YEATS2: variants seen among roughly 807,000 people sequenced by gnomAD.
YEATS2 encodes the protein YEATS domain containing 2.
Under a neutral mutation model 163.2 loss-of-function variants are expected in YEATS2, and 77 were observed. The observed-to-expected ratio is 0.47, with a 90% CI of 0.39 to 0.57. The LOEUF (loss-of-function observed/expected upper bound fraction) is 0.57, where lower values mean the gene tolerates loss of function less well. Among genes scored for constraint, YEATS2 ranks in the 20% least tolerant of loss-of-function variants. The pLI is 0.00. For synonymous variants in YEATS2, 631 were observed against 645.1 expected (o/e 0.98, Z 0.33); for missense variants, 1,549 against 1,729.8 (o/e 0.90, Z 1.85).
chr3:183,735,836 C>T (rs778343995), intron 7 of YEATS2, among the ~76,000 whole-genome samples: 2 of 152,068 alleles, frequency 1.3e-5, no homozygotes, highest in African/African-American at 2.4e-5. Flanking sequence ...CATGAGCCAC[C>T]GCACCCAGCC....
At chr3:183,722,364 C>G (rs1035415517) in intron 5 of YEATS2, among the ~76,000 whole-genome samples, 11 of 142,776 alleles carry the variant, frequency 7.7e-5, no homozygotes, top group African/African-American at 3.0e-4. Flanking sequence ...TCATGGCTCA[C>G]TGCAACCTCC....
intron 1 of YEATS2, among the ~76,000 whole-genome samples, chr3:183,707,875 C>T (rs750173766): frequency 1.3e-4 from 20 of 151,756 alleles, no homozygotes; most frequent in Non-Finnish European, 2.2e-4. Context: ...GGGGTTTCAC[C>T]GTGTTGATGA....
At chr3:183,767,202 T>C (rs1403384387) in intron 15 of YEATS2, among the ~76,000 whole-genome samples, 1 of 152,008 alleles carries the variant, frequency 6.6e-6, no homozygotes, top group Non-Finnish European at 1.5e-5. Flanking sequence ...AAGACTGCCC[T>C]CCAGTGGCTG....
chr3:183,708,406 G>A (rs1169415597), intron 1 of YEATS2, among the ~76,000 whole-genome samples: 1 of 152,076 alleles, frequency 6.6e-6, no homozygotes, highest in African/African-American at 2.4e-5. Context: ...AAAACACAAT[G>A]GTAGAGTTCT....
intron 2 of YEATS2, among the ~76,000 whole-genome samples, chr3:183,716,794 T>C (rs1715925412): frequency 6.6e-6 from 1 of 152,156 alleles, no homozygotes; most frequent in Non-Finnish European, 1.5e-5. Context: ...TGCTATTCTT[T>C]TTCTTGGTGT....
At chr3:183,712,608 A>G (rs184693850) in intron 1 of YEATS2, among the ~76,000 whole-genome samples, 2 of 152,246 alleles carry the variant, frequency 1.3e-5, no homozygotes, top group African/African-American at 4.8e-5. Context: ...TCAGAGAGCT[A>G]TTCTGGTCTC....
chr3:183,796,483 A>G (rs1725168153), intron 21 of YEATS2, among the ~76,000 whole-genome samples: 2 of 151,352 alleles, frequency 1.3e-5, no homozygotes, highest in African/African-American at 2.4e-5. Flanking sequence ...CTAAAACGAT[A>G]GAGAACATCT....
At chr3:183,774,425 C>A (rs1215582094) in intron 17 of YEATS2, among the ~76,000 whole-genome samples, 1 of 152,144 alleles carries the variant, frequency 6.6e-6, no homozygotes, top group Non-Finnish European at 1.5e-5. Context: ...AAACCACCCC[C>A]CGCCTCCTGT....
intron 7 of YEATS2, 105 bp downstream of exon 7, chr3:183,728,956 A>G: frequency 8.0e-7 from 1 of 1,250,088 alleles, no homozygotes; most frequent in Non-Finnish European, 1.1e-6. Context: ...TGCAGTAGTA[A>G]TTGAGAATTG....
intron 9 of YEATS2, among the ~76,000 whole-genome samples, chr3:183,748,573 C>T (rs1577105466): frequency 6.6e-6 from 1 of 151,620 alleles, no homozygotes; most frequent in Non-Finnish European, 1.5e-5. Context: ...ACCAGGCTTT[C>T]TCCTTTTCTC....
chr3:183,701,025 C>G (rs1031098170), intron 1 of YEATS2, among the ~76,000 whole-genome samples: 7 of 150,154 alleles, frequency 4.7e-5, no homozygotes, highest in Non-Finnish European at 1.0e-4. Context: ...GAATTGCACT[C>G]TTTTAACTGG....
chr3:183,702,153 A>G (rs1439882902), intron 1 of YEATS2, among the ~76,000 whole-genome samples: 7 of 152,274 alleles, frequency 4.6e-5, no homozygotes, highest in African/African-American at 7.2e-5. Flanking sequence ...TATGGAAACA[A>G]TCTGCATCAG....
chr3:183,728,835 G>A lies in YEATS2; in HGVS notation c.796G>A (p.Asp266Asn). ...CCTTCATCCTAGCTATAAACCAAAT[G>A]ACCTTGTGGAAGTTAGGTAAGCACG... ...FFLHPSYKPN[D>N]LVEVREPPFH... The change falls in exon 7 of 31, where the codon GAC (aspartate) becomes AAC (asparagine). Residue 266 changes from aspartate to asparagine, a missense_variant. Transcript: ENST00000305135. 6.2e-7 allele frequency: 1 copy of A among 1,610,366 alleles called. No homozygotes were observed. The highest frequency in any genetic ancestry group is 8.5e-7 in the Non-Finnish European group (1 of 1,179,010).
In YEATS2 at chr3:183,721,903, TGTG is replaced by T. The variant is rs1716530308; in HGVS notation, c.305_307del (p.Cys102_Asp103delinsTyr). 2.5e-6 allele frequency: 4 copies of T among 1,614,012 alleles called. No homozygotes were observed. The highest frequency in any genetic ancestry group is 3.4e-6 in the Non-Finnish European group (4 of 1,180,016). On this transcript the variant is annotated inframe_deletion, in exon 5 of 31. Transcript: ENST00000305135. ...TCATTTTTTGTAGGGATCAAAGACA[TGTG>T]ATACAATGGTTTTTAATCATCCTGC...
Position 183,810,588 on chromosome 3 carries a change from A to T in YEATS2, c.*5A>T, listed in dbSNP as rs1165281988. On this transcript the variant is annotated 3_prime_UTR_variant, in exon 31 of 31. Coordinates refer to ENST00000305135, the MANE Select transcript of YEATS2 (RefSeq NM_018023.5). ...ATATTGAATGAGGACCAGTGAGCGGAGTGAGGTGCCCTGGAGAAGCAGGCT... is the reference window on the plus strand; with the variant it reads ...ATATTGAATGAGGACCAGTGAGCGGTGTGAGGTGCCCTGGAGAAGCAGGCT... 1.9e-6 allele frequency: 3 copies of T among 1,612,640 alleles called. No individual in the cohort carries two copies. The African/African-American group carries it at 4.0e-5, about 22-fold the overall frequency.
Position 183,776,070 on chromosome 3 carries a change from G to A in YEATS2, c.2524G>A (p.Gly842Arg). The A allele has an allele frequency of 3.1e-6, 5 of 1,611,904 alleles. No homozygotes were observed. Among genetic ancestry groups the A allele is most frequent in the African/African-American group, 1.3e-5 (1 of 74,980 alleles). ...GGTQSTAGPGGISQHLTYTSY... is the reference protein window; with the variant it reads ...GGTQSTAGPGRISQHLTYTSY... ...AACTCAAAGTACTGCTGGCCCTGGAGGGATATCTCAGCACCTGACTTACAC... is the reference window on the plus strand; with the variant it reads ...AACTCAAAGTACTGCTGGCCCTGGAAGGATATCTCAGCACCTGACTTACAC... Residue 842 changes from glycine to arginine, a missense_variant, in exon 18 of 31, where the codon GGG becomes AGG. Transcript: ENST00000305135.
chr3:183,771,449 G>T (rs989600642), intron 15 of YEATS2, among the ~76,000 whole-genome samples: 5 of 141,906 alleles, frequency 3.5e-5, no homozygotes, highest in African/African-American at 1.3e-4. Context: ...TTTCTTAAAA[G>T]AATTCATTTT....
At chr3:183,797,543 A>AATAAAT (rs1725269997) in intron 21 of YEATS2, among the ~76,000 whole-genome samples, 2 of 58,294 alleles carry the variant, frequency 3.4e-5, no homozygotes, top group Admixed American at 2.3e-4. Context: ...TGTCTCTAAC[A>AATAAAT]CAATAAATAA....
At chr3:183,808,247 T>G in intron 29 of YEATS2, 143 bp downstream of exon 29, 1 of 651,134 alleles carries the variant, frequency 1.5e-6, no homozygotes, top group Non-Finnish European at 2.5e-6. Context: ...CTCTTTTTGT[T>G]TTTTTGTTTT....
Sources: gnomAD v4.1 joint callset for allele counts (sites outside exome capture counted in the v4.1 genomes callset) on GRCh38, gnomAD v4.1.1 for gene constraint, MANE v1.5 for transcripts, NCBI Gene and HGNC (gene_info 2026-07-23, HGNC 2026-07-21) for gene names.